Variants in ERC2 observed in about 807,000 individuals in gnomAD.
The protein encoded by ERC2 is ELKS/RAB6-interacting/CAST family member 2, also known as ERC protein 2.
A neutral mutation model predicts 114.8 loss-of-function variants in ERC2; 42 were observed. That is an observed-to-expected ratio of 0.37 (90% confidence interval 0.29 to 0.47). The LOEUF (loss-of-function observed/expected upper bound fraction) is 0.47, where lower values mean the gene tolerates loss of function less well. Among genes scored for constraint, ERC2 ranks in the 20% least tolerant of loss-of-function variants. The probability of loss-of-function intolerance (pLI) is 0.99; values close to 1 mark genes in which losing one functional copy is unlikely to be tolerated. For missense variants in ERC2, 939 were observed against 1,150.7 expected (o/e 0.82, Z 2.66); for synonymous variants, 454 against 425.5 (o/e 1.07, Z -0.82).
chr3:55,954,009 C>G (rs983050262), intron 12 of ERC2, among the ~76,000 whole-genome samples: 1 of 143,946 alleles, frequency 6.9e-6, no homozygotes, highest in African/African-American at 2.6e-5. Context: ...TGCCCCAGAA[C>G]CAAGTATCAC....
At chr3:55,785,386 C>G (rs2069402303) in intron 14 of ERC2, among the ~76,000 whole-genome samples, 1 of 152,204 alleles carries the variant, frequency 6.6e-6, no homozygotes, top group Non-Finnish European at 1.5e-5. Context: ...TTTCTGCCAT[C>G]ACTTCTCTCA....
intron 2 of ERC2, among the ~76,000 whole-genome samples, chr3:56,312,365 T>C (rs1394653319): frequency 6.6e-6 from 1 of 152,216 alleles, no homozygotes; most frequent in African/African-American, 2.4e-5. Flanking sequence ...GGTCAATGGG[T>C]ACAAACATGT....
intron 2 of ERC2, among the ~76,000 whole-genome samples, chr3:56,349,073 G>T (rs1256654700): frequency 6.6e-6 from 1 of 152,198 alleles, no homozygotes; most frequent in African/African-American, 2.4e-5. Flanking sequence ...AAAATTAACA[G>T]AAGAAAATAG....
intron 10 of ERC2, among the ~76,000 whole-genome samples, chr3:55,997,903 T>TTG (rs2071682570): frequency 2.3e-5 from 1 of 42,570 alleles, no homozygotes; most frequent in Non-Finnish European, 5.0e-5. Flanking sequence ...TTTTTTTTTT[T>TTG]TTTTGTGTGT....
At chr3:55,517,446 C>CA (rs11309251) in intron 17 of ERC2, among the ~76,000 whole-genome samples, 1,834 of 89,578 alleles carry the variant, frequency 0.02, 31 homozygotes, top group East Asian at 0.032. Context: ...GACTCCGTCT[C>CA]AAAAAAAAAA....
At chr3:55,526,685 C>A (rs2053338258) in intron 17 of ERC2, among the ~76,000 whole-genome samples, 1 of 152,184 alleles carries the variant, frequency 6.6e-6, no homozygotes, top group African/African-American at 2.4e-5. Context: ...GAAGATGAGC[C>A]AGGAGGGACA....
chr3:55,888,362 G>A, intron 14 of ERC2, 27 bp downstream of exon 14: 2 of 1,612,646 alleles, frequency 1.2e-6, no homozygotes, highest in Non-Finnish European at 1.7e-6. Context: ...GAAGAGAGAG[G>A]CTACCAAAGC....
chr3:55,909,963 C>A (rs1295865579), intron 13 of ERC2, among the ~76,000 whole-genome samples: 1 of 152,070 alleles, frequency 6.6e-6, no homozygotes, highest in Non-Finnish European at 1.5e-5. Context: ...GGAATTTTGT[C>A]CATGTGAATA....
intron 7 of ERC2, among the ~76,000 whole-genome samples, chr3:56,037,867 T>C (rs1228570903): frequency 6.6e-6 from 1 of 152,088 alleles, no homozygotes; most frequent in Non-Finnish European, 1.5e-5. Context: ...GTGGAAACTT[T>C]ACAAGCCAGA....
Position 55,990,753 on chromosome 3 carries a change from T to C in ERC2, c.2255+1304A>G, listed in dbSNP as rs867735895. On this transcript the variant is annotated intron_variant, in intron 11 of 17. Coordinates refer to ENST00000288221, the MANE Select transcript of ERC2 (RefSeq NM_015576.3). ...TTGTTTTAGCATTTGTTCATAATGATATACATGTTCCACTTTACCTGGGGA... is the reference window on the plus strand; with the variant it reads ...TTGTTTTAGCATTTGTTCATAATGACATACATGTTCCACTTTACCTGGGGA... Among the ~76,000 whole-genome samples the C allele has an allele frequency of 3.9e-5, 6 of 152,210 alleles. No homozygotes were observed. In the South Asian group the frequency reaches 1.2e-3, roughly 32 times the overall value.
chr3:56,259,420 T>C (rs1040326014), intron 3 of ERC2, among the ~76,000 whole-genome samples: 2 of 152,134 alleles, frequency 1.3e-5, no homozygotes, highest in Admixed American at 1.3e-4. Flanking sequence ...ATAAATACCA[T>C]ATAAAATTAG....
At chr3:55,538,465 C>T (rs762057507) in intron 17 of ERC2, among the ~76,000 whole-genome samples, 7 of 152,204 alleles carry the variant, frequency 4.6e-5, no homozygotes, top group Non-Finnish European at 8.8e-5. Flanking sequence ...TGAGTCCTGT[C>T]CCACACTGGG....
chr3:56,006,135 G>T (rs1402100874), intron 10 of ERC2, among the ~76,000 whole-genome samples: 1 of 151,980 alleles, frequency 6.6e-6, no homozygotes, highest in Non-Finnish European at 1.5e-5. Context: ...TTAGCAAGTA[G>T]ACTTTCTTAG....
At chr3:55,582,128 G>C (rs1392222) in intron 17 of ERC2, among the ~76,000 whole-genome samples, 151,843 of 152,244 alleles carry the variant, frequency 1, 75,723 homozygotes, top group East Asian at 1. Flanking sequence ...AAAACAACAT[G>C]TCCCATAGGA....
intron 3 of ERC2, among the ~76,000 whole-genome samples, chr3:56,224,268 G>T (rs2050109567): frequency 6.6e-6 from 1 of 152,114 alleles, no homozygotes; most frequent in African/African-American, 2.4e-5. Context: ...TTTGTCCAGT[G>T]AATTATTTAC....
intron 13 of ERC2, among the ~76,000 whole-genome samples, chr3:55,942,656 T>C (rs1367347047): frequency 6.6e-6 from 1 of 152,112 alleles, no homozygotes; most frequent in African/African-American, 2.4e-5. Context: ...TAGGGCTTTT[T>C]CCAGGCAACA....
At chr3:55,960,648 T>G (rs898289201) in intron 12 of ERC2, among the ~76,000 whole-genome samples, 1 of 152,186 alleles carries the variant, frequency 6.6e-6, no homozygotes, top group Non-Finnish European at 1.5e-5. Context: ...CCCCAGGATA[T>G]TCACTGGAGT....
chr3:56,148,405 C>T (rs1375691916), intron 5 of ERC2, among the ~76,000 whole-genome samples: 1 of 152,156 alleles, frequency 6.6e-6, no homozygotes, highest in African/African-American at 2.4e-5. Context: ...CCTGCCTCAG[C>T]CTCCTGAGTA....
chr3:56,181,416 C>T (rs1232610309), intron 3 of ERC2, among the ~76,000 whole-genome samples: 3 of 152,184 alleles, frequency 2.0e-5, no homozygotes, highest in African/African-American at 7.2e-5. Context: ...TTTATGGCTG[C>T]TTTCATGCTG....
Sources: allele counts gnomAD v4.1 joint callset (sites outside exome capture counted in the v4.1 genomes callset), GRCh38; gene constraint gnomAD v4.1.1; transcripts MANE v1.5; gene names NCBI Gene and HGNC (gene_info 2026-07-23, HGNC 2026-07-21).